The following SNCAIP variants were observed in gnomAD, a reference collection of about 807,000 sequenced individuals.
SNCAIP encodes synphilin-1.
In SNCAIP, 43 loss-of-function variants were observed where a neutral mutation model predicts 86.7. The observed-to-expected ratio is 0.50, with a 90% CI of 0.39 to 0.64. The LOEUF is 0.64. Ranked by LOEUF, SNCAIP falls within the 30% of genes least tolerant of loss-of-function variation. The probability of loss-of-function intolerance (pLI) is 0.00; values close to 1 mark genes in which losing one functional copy is unlikely to be tolerated. For missense variants in SNCAIP, 981 were observed against 1,103.1 expected (o/e 0.89, Z 1.57); for synonymous variants, 417 against 427.2 (o/e 0.98, Z 0.29).
In SNCAIP at chr5:122,358,159, TTGTGTG is replaced by T. The variant is rs36222259; in HGVS notation, c.-46-32890_-46-32885del. On this transcript the variant is annotated intron_variant, in intron 1 of 10. Transcript: ENST00000261368. ...ATCAAAGAAAGAAAAATTTGTTTCT[TTGTGTG>T]TGTGTGTGTGTGTGTGTGTGTGTGT... Among the ~76,000 whole-genome samples the T allele has an allele frequency of 4.1e-3, 561 of 138,052 alleles. 3 individuals carry two copies. Among genetic ancestry groups the T allele is most frequent in the African/African-American group, 8.8e-3 (331 of 37,466 alleles). The allele number at this position is 138,052 out of a possible 152,430, so 90.6% of individuals were successfully genotyped here. A position where few individuals can be genotyped will look rare whatever the true frequency, so the allele number is the denominator to read the frequency against.
At chr5:122,333,261 T>C (rs992924638) in intron 1 of SNCAIP, among the ~76,000 whole-genome samples, 1 of 152,240 alleles carries the variant, frequency 6.6e-6, no homozygotes. Flanking sequence ...TTTAGATAAA[T>C]GACTAAATTG....
rs555808093 is a variant in SNCAIP, at chr5:122,448,651, TTTATATATA to T, written c.1593-1176_1593-1168del. Among the ~76,000 whole-genome samples the T allele has an allele frequency of 6.4e-3, 851 of 132,594 alleles. 11 individuals carry two copies. The highest frequency in any genetic ancestry group is 0.022 in the African/African-American group (775 of 35,358). 87.0% of individuals were successfully genotyped at this position (132,594 alleles called of 152,430 possible). ...ATATATATTATATGTTATATATATT[TTTATATATA>T]TTATATATATTATATATGTTATATA... is the stretch of plus-strand genomic sequence containing the variant. On this transcript the variant is annotated intron_variant, in intron 8 of 10. Coordinates refer to ENST00000261368, the MANE Select transcript of SNCAIP (RefSeq NM_005460.4).
intron 1 of SNCAIP, among the ~76,000 whole-genome samples, chr5:122,322,743 TTAAAAA>T (rs1365128365): frequency 6.6e-6 from 1 of 152,216 alleles, no homozygotes; most frequent in Non-Finnish European, 1.5e-5. Context: ...AAGTAAAATC[TTAAAAA>T]TAATAGCATA....
At chr5:122,444,053 C>T (rs150705507) in intron 7 of SNCAIP, 231 of 456,732 alleles carry the variant, frequency 5.1e-4, no homozygotes, top group African/African-American at 4.1e-3. Flanking sequence ...GCTTCACAGC[C>T]TCCCCACTCT....
At chr5:122,453,586 T>C (rs1784140146) in intron 10 of SNCAIP, among the ~76,000 whole-genome samples, 1 of 152,156 alleles carries the variant, frequency 6.6e-6, no homozygotes, top group Non-Finnish European at 1.5e-5. Flanking sequence ...TCAAAATGCA[T>C]GGACTACATA....
At chr5:122,329,207 C>T (rs1375033820) in intron 1 of SNCAIP, among the ~76,000 whole-genome samples, 1 of 142,808 alleles carries the variant, frequency 7.0e-6, no homozygotes, top group Non-Finnish European at 1.5e-5. Flanking sequence ...TGTTTACATA[C>T]ATTATTTCCT....
chr5:122,450,292 G>A (rs1433270707), intron 9 of SNCAIP, among the ~76,000 whole-genome samples: 1 of 152,192 alleles, frequency 6.6e-6, no homozygotes, highest in Non-Finnish European at 1.5e-5. Context: ...ATGCAAAATT[G>A]ATGTATAAAC....
chr5:122,390,505 G>A (rs1352668768), intron 1 of SNCAIP, among the ~76,000 whole-genome samples: 2 of 152,196 alleles, frequency 1.3e-5, no homozygotes, highest in Admixed American at 6.5e-5. Context: ...CAATAACTCT[G>A]AGGTTTAAAT....
intron 6 of SNCAIP, chr5:122,437,020 C>A (rs575406544): frequency 4.8e-4 from 73 of 152,296 alleles, no homozygotes; most frequent in African/African-American, 1.8e-3. Flanking sequence ...TTCTGGGAAA[C>A]AAATGATACA....
intron 1 of SNCAIP, chr5:122,321,271 C>A (rs1752879192): frequency 6.6e-6 from 1 of 152,116 alleles, no homozygotes; most frequent in Non-Finnish European, 1.5e-5. Context: ...ACCTTACATT[C>A]TTTTTTTCCC....
intron 3 of SNCAIP, among the ~76,000 whole-genome samples, chr5:122,409,437 G>A (rs1255478783): frequency 7.9e-5 from 12 of 152,096 alleles, no homozygotes; most frequent in Non-Finnish European, 1.5e-5. Context: ...TATTAATACT[G>A]CTTCACATCT....
At chr5:122,323,159 GAA>G (rs1306661145) in intron 1 of SNCAIP, among the ~76,000 whole-genome samples, 2 of 152,166 alleles carry the variant, frequency 1.3e-5, no homozygotes, top group Admixed American at 1.3e-4. Flanking sequence ...GCGCCTCAGA[GAA>G]GAGCAGTCAT....
At position 122,463,773 on chromosome 5, in the gene SNCAIP, A is replaced by T. The variant is rs1019879335; in HGVS notation, c.*277A>T. 2.3e-5 allele frequency: 9 copies of T among 398,068 alleles called. No individual in the cohort carries two copies. The Middle Eastern group carries it at 2.0e-3, about 87-fold the overall frequency. 24.7% of individuals were successfully genotyped at this position (398,068 alleles called of 1,614,324 possible). On this transcript the variant is annotated 3_prime_UTR_variant, in exon 11 of 11. Coordinates refer to ENST00000261368, the MANE Select transcript of SNCAIP (RefSeq NM_005460.4). ...ATCTGTATATATAACTTGTTTTTTT[A>T]AAAGATGCCGTTTAAAAGCATGATT...
chr5:122,423,771 A>G (rs773796378), intron 4 of SNCAIP, 32 bp downstream of exon 4: 73 of 1,572,060 alleles, frequency 4.6e-5, no homozygotes, highest in Non-Finnish European at 6.2e-5. Flanking sequence ...ATACATGTCA[A>G]TAGACTGGAG....
intron 1 of SNCAIP, among the ~76,000 whole-genome samples, chr5:122,326,468 A>G (rs911430807): frequency 6.6e-6 from 1 of 152,148 alleles, no homozygotes; most frequent in Admixed American, 6.5e-5. Context: ...ATACTACTAC[A>G]ACTTCTTTCC....
chr5:122,421,189 C>T (rs304386), intron 3 of SNCAIP, among the ~76,000 whole-genome samples: 34,544 of 152,118 alleles, frequency 0.23, 4,274 homozygotes, highest in East Asian at 0.42. Context: ...GAATCGAGCC[C>T]TCCTTCCACA....
In SNCAIP at chr5:122,425,422, C is replaced by G. The variant is rs371777182; in HGVS notation, c.1073C>G (p.Ala358Gly). 1 of 1,613,662 alleles carries G rather than the reference C, an allele frequency of 6.2e-7. No individual in the cohort carries two copies. The highest frequency in any genetic ancestry group is 1.7e-5 in the Admixed American group (1 of 60,026). ...GGAAACAATCTATTACATATTGCGG[C>G]GTCACAGGGACACGCAGAGTGTCTA... is the stretch of plus-strand genomic sequence containing the variant. ...ENGNNLLHIA[A>G]SQGHAECLQH... The change falls in exon 5 of 11, where the codon GCG (alanine) becomes GGG (glycine). Residue 358 changes from alanine to glycine, a missense_variant. Transcript: ENST00000261368.
chr5:122,449,965 T>C (rs774441007), intron 9 of SNCAIP, 28 bp downstream of exon 9: 1 of 1,441,356 alleles, frequency 6.9e-7, no homozygotes, highest in South Asian at 1.1e-5. Flanking sequence ...TTGTTTAGCA[T>C]TCTTAAGTAT....
At chr5:122,314,439 TTAGAA>T (rs1409870071) in intron 1 of SNCAIP, among the ~76,000 whole-genome samples, 4 of 152,232 alleles carry the variant, frequency 2.6e-5, no homozygotes, top group African/African-American at 7.2e-5. Flanking sequence ...AGTAACACTC[TTAGAA>T]TAGAAGCTTT....
Sources: allele counts gnomAD v4.1 joint callset (sites outside exome capture counted in the v4.1 genomes callset), GRCh38; gene constraint gnomAD v4.1.1; transcripts MANE v1.5; gene names NCBI Gene and HGNC (gene_info 2026-07-23, HGNC 2026-07-21).